The following MDM2 variants were observed in gnomAD, a reference collection of about 807,000 sequenced individuals.
MDM2 encodes the protein MDM2 proto-oncogene.
In MDM2, 11 loss-of-function variants were observed where a neutral mutation model predicts 64.3. The observed-to-expected ratio is 0.17, with a 90% confidence interval of 0.11 to 0.28. MDM2 has a LOEUF of 0.28. MDM2 is among the 10% of genes least tolerant of loss of function. The pLI, the probability that MDM2 is intolerant of heterozygous loss-of-function variation, is 1.00. For synonymous variants in MDM2, 194 were observed against 192.9 expected (o/e 1.01, Z -0.05); for missense variants, 388 against 577.1 (o/e 0.67, Z 3.36).
chr12:68,809,578 C>T (rs755174801), intron 2 of MDM2, among the ~76,000 whole-genome samples: 8 of 151,630 alleles, frequency 5.3e-5, no homozygotes, highest in Non-Finnish European at 8.8e-5. Flanking sequence ...TCCTTTTTGA[C>T]CTCCCAGTAT....
intron 5 of MDM2, 69 bp downstream of exon 5, chr12:68,820,443 A>G (rs1258955045): frequency 6.2e-6 from 7 of 1,124,370 alleles, no homozygotes; most frequent in African/African-American, 1.6e-5. Flanking sequence ...GTTTATGTGC[A>G]TATGTTTTAT....
chr12:68,814,554 A>AT (rs745722534), intron 3 of MDM2: 1,848 of 336,666 alleles, frequency 5.5e-3, no homozygotes, highest in South Asian at 8.8e-3. Context: ...TAAGAATAGA[A>AT]TTTTTTTTTT....
At chr12:68,825,589 C>T (rs546915922) in intron 7 of MDM2, among the ~76,000 whole-genome samples, 18 of 151,850 alleles carry the variant, frequency 1.2e-4, no homozygotes, top group Non-Finnish European at 2.2e-4. Context: ...GGAGGCAGAG[C>T]TTACAGTGAG....
intron 10 of MDM2, among the ~76,000 whole-genome samples, chr12:68,836,956 T>C (rs770073233): frequency 3.6e-4 from 16 of 44,832 alleles, no homozygotes; most frequent in Admixed American, 1.1e-3. Context: ...GAATTTGAAC[T>C]TTTTTTTTTT....
intron 8 of MDM2, among the ~76,000 whole-genome samples, 156 bp from the exon 9 acceptor site, chr12:68,835,673 C>T (rs948489484): frequency 3.3e-5 from 5 of 152,226 alleles, no homozygotes; most frequent in African/African-American, 9.7e-5. Flanking sequence ...TTCTGCCCGC[C>T]GATCTCCCTC....
In MDM2 at chr12:68,841,416, T is replaced by C. The variant is rs753982883; in HGVS notation, c.*1567T>C. ...ACACCCGGCTGTAAAAATGTACTTA[T>C]TCTCCAGCCTCTTTTGTATAAACCA... On this transcript the variant is annotated 3_prime_UTR_variant, in exon 11 of 11. Transcript: ENST00000258149. 6.8e-5 allele frequency: 14 copies of C among 207,082 alleles called. No individual in the cohort carries two copies. Among genetic ancestry groups the C allele is most frequent in the Non-Finnish European group, 1.4e-4 (14 of 101,396 alleles). The allele number at this position is 207,082 out of a possible 1,614,324, so 12.8% of individuals were successfully genotyped here.
intron 10 of MDM2, 74 bp downstream of exon 10, chr12:68,836,823 T>C: frequency 1.1e-6 from 1 of 883,682 alleles, no homozygotes; most frequent in South Asian, 1.5e-5. Context: ...ATCTAGCTTC[T>C]TTCTGAAATG....
chr12:68,837,024 G>T (rs1592599683), intron 10 of MDM2, among the ~76,000 whole-genome samples: 1 of 149,892 alleles, frequency 6.7e-6, no homozygotes, highest in East Asian at 2.0e-4. Flanking sequence ...TGCAATCTCA[G>T]TGCACTGCAG....
downstream of MDM2, chr12:68,846,296 A>G (rs1884293885): frequency 6.6e-6 from 1 of 152,228 alleles, no homozygotes; most frequent in South Asian, 2.1e-4. Flanking sequence ...CATGTTGCCC[A>G]GGCTGGTCTC....
chr12:68,845,322 A>G lies in MDM2; in HGVS notation c.*5473A>G, dbSNP rs910733271. On this transcript the variant is annotated 3_prime_UTR_variant, in exon 11 of 11. Coordinates refer to ENST00000258149, the MANE Select transcript of MDM2 (RefSeq NM_002392.6). ...GAGGGACTTTTTGACATTTACAAAT[A>G]ATACTTTGAGGTAGATATCTGAAAG... The G allele has an allele frequency of 2.3e-5, 5 of 212,772 alleles. No individual in the cohort carries two copies. Among genetic ancestry groups the G allele is most frequent in the Non-Finnish European group, 4.8e-5 (5 of 105,242 alleles). 13.2% of individuals were successfully genotyped at this position (212,772 alleles called of 1,614,324 possible).
downstream of MDM2, chr12:68,849,173 T>C: frequency 6.7e-6 from 1 of 148,618 alleles, no homozygotes; most frequent in Non-Finnish European, 1.5e-5. Context: ...CACTGCAACC[T>C]CTGCCCCCCA....
chr12:68,808,184 C>T lies in MDM2; in HGVS notation c.-294C>T, dbSNP rs1592563242. On this transcript the variant is annotated 5_prime_UTR_variant, in exon 1 of 11. Transcript: ENST00000258149. ...CTCCCCTCGGGCGGTAGGGGGCGCG[C>T]ACCGAGGCACCGCGGCGAGCTTGGC... The T allele has an allele frequency of 1.2e-5, 6 of 514,276 alleles. No homozygotes were observed. The highest frequency in any genetic ancestry group is 1.1e-4 in the East Asian group (3 of 28,552). 31.9% of individuals were successfully genotyped at this position (514,276 alleles called of 1,614,324 possible).
At chr12:68,823,619 G>T (rs1342230128) in intron 5 of MDM2, among the ~76,000 whole-genome samples, 1 of 152,150 alleles carries the variant, frequency 6.6e-6, no homozygotes. Context: ...GTCTAATACT[G>T]GTTTTCCTGC....
chr12:68,847,452 C>CTTTTTTTTTTTTTTTTTTTTTTTTTT (rs772905678), downstream of MDM2: 1 of 88,722 alleles, frequency 1.1e-5, no homozygotes, highest in African/African-American at 5.6e-5. Flanking sequence ...TATCTCCTTT[C>CTTTTTTTTTTTTTTTTTTTTTTTTTT]TTTTTTTTTT....
intron 2 of MDM2, among the ~76,000 whole-genome samples, chr12:68,812,635 A>G (rs1881004844): frequency 6.6e-6 from 1 of 152,126 alleles, no homozygotes; most frequent in South Asian, 2.1e-4. Context: ...TTTTTTGTAG[A>G]GGTGGAGTCT....
At chr12:68,832,761 C>T (rs1325948656) in intron 8 of MDM2, among the ~76,000 whole-genome samples, 1 of 151,700 alleles carries the variant, frequency 6.6e-6, no homozygotes, top group African/African-American at 2.4e-5. Flanking sequence ...TTATGTGATT[C>T]TCCTGCTTTG....
intron 8 of MDM2, among the ~76,000 whole-genome samples, chr12:68,834,052 A>G (rs1262753475): frequency 1.3e-5 from 2 of 152,122 alleles, no homozygotes; most frequent in Admixed American, 6.5e-5. Context: ...AGGCTGTAAA[A>G]TAATATACTT....
At position 68,839,505 on chromosome 12, in the gene MDM2, AATG is replaced by A. The variant is rs1434404181; in HGVS notation, c.1156_1158del (p.Asp386del). The A allele has an allele frequency of 6.2e-7, 1 of 1,613,950 alleles. No individual in the cohort carries two copies. Among genetic ancestry groups the A allele is most frequent in the East Asian group, 2.2e-5 (1 of 44,880 alleles). Reference sequence around the variant, plus strand: ...TTCCAGAGAGTCATGTGTTGAGGAAAATGATGATAAAATTACACAAGCTTCACA... The same window carrying A: ...TTCCAGAGAGTCATGTGTTGAGGAAAATGATAAAATTACACAAGCTTCACA... On this transcript the variant is annotated inframe_deletion, in exon 11 of 11. Coordinates refer to ENST00000258149, the MANE Select transcript of MDM2 (RefSeq NM_002392.6).
intron 2 of MDM2, among the ~76,000 whole-genome samples, 183 bp from the exon 3 acceptor site, chr12:68,813,371 G>T (rs1373948681): frequency 6.6e-6 from 1 of 152,142 alleles, no homozygotes; most frequent in Non-Finnish European, 1.5e-5. Context: ...TGCTCTTTTG[G>T]ATTGGATACT....
Sources: gnomAD v4.1 joint callset for allele counts (sites outside exome capture counted in the v4.1 genomes callset) on GRCh38, gnomAD v4.1.1 for gene constraint, MANE v1.5 for transcripts, NCBI Gene and HGNC (gene_info 2026-07-23, HGNC 2026-07-21) for gene names.